Variants in KLRC1 observed in about 807,000 individuals in gnomAD.
KLRC1 encodes the protein killer cell lectin like receptor C1.
Under a neutral mutation model 25.9 loss-of-function variants are expected in KLRC1, and 22 were observed. The ratio of observed to expected loss-of-function variants is 0.85; its 90% CI spans 0.61 to 1.21. KLRC1 has a LOEUF of 1.21. KLRC1 is among the 50% of genes most tolerant of loss of function. The pLI, the probability that KLRC1 is intolerant of heterozygous loss-of-function variation, is 0.00. For missense variants in KLRC1, 240 were observed against 272.2 expected (o/e 0.88, Z 0.83); for synonymous variants, 77 against 93.1 (o/e 0.83, Z 0.99).
intron 6 of KLRC1, 94 bp downstream of exon 6, chr12:10,447,438 A>C (rs1011955355): frequency 1.5e-5 from 17 of 1,098,628 alleles, no homozygotes; most frequent in Non-Finnish European, 2.2e-5. Flanking sequence ...ATCTTTCTTC[A>C]TCTCTATGAT....
downstream of KLRC1, among the ~76,000 whole-genome samples, chr12:10,443,734 A>G (rs1180996156): frequency 2.1e-5 from 3 of 141,088 alleles, no homozygotes; most frequent in Non-Finnish European, 4.6e-5. Flanking sequence ...CTGTAATCTC[A>G]TAATTCTAAG....
At chr12:10,453,964 T>G (rs923115913), upstream of KLRC1, among the ~76,000 whole-genome samples, 4 of 152,232 alleles carry the variant, frequency 2.6e-5, no homozygotes, top group African/African-American at 4.8e-5. Flanking sequence ...TGAAATATAT[T>G]AGCATACCAG....
intron 4 of KLRC1, 52 bp downstream of exon 4, chr12:10,449,862 A>T (rs983525886): frequency 7.4e-7 from 1 of 1,350,312 alleles, no homozygotes; most frequent in African/African-American, 1.5e-5. Context: ...ACAGCCTAAG[A>T]TCAAGAAAAA....
chr12:10,451,921 C>G (rs1169428473), intron 1 of KLRC1, among the ~76,000 whole-genome samples: 1 of 151,798 alleles, frequency 6.6e-6, no homozygotes, highest in African/African-American at 2.4e-5. Flanking sequence ...ATAAAAATTT[C>G]TTGCACTACA....
chr12:10,451,153 C>G lies in KLRC1; in HGVS notation c.4G>C (p.Asp2His), dbSNP rs1864118650. M[D>H]NQGVIYSDLN... ...TCTGAGTAGATTACTCCTTGGTTAT[C>G]CATCTCTGCAGTGTGTGATGTCAGG... Residue 2 changes from aspartate (D) to histidine (H), a missense_variant, in exon 2 of 7, where the codon GAT (aspartate) becomes CAT (histidine). Physicochemically the swap from Asp to His is moderately conservative, Grantham distance 81 (BLOSUM62 -1). Coordinates refer to ENST00000359151, the MANE Select transcript of KLRC1 (RefSeq NM_002259.5). The G allele has an allele frequency of 1.6e-5, 25 of 1,612,382 alleles. No individual in the cohort carries two copies. Among genetic ancestry groups the G allele is most frequent in the East Asian group, 2.2e-5 (1 of 44,846 alleles).
upstream of KLRC1, chr12:10,454,561 C>T (rs978357121): frequency 1.0e-6 from 1 of 977,296 alleles, no homozygotes; most frequent in Non-Finnish European, 1.2e-6. Flanking sequence ...TGAGATCAGT[C>T]CTTCACCCAC....
At position 10,446,444 on chromosome 12, in the gene KLRC1, T is replaced by C. The variant is rs530017873; in HGVS notation, c.*107A>G. The C allele has an allele frequency of 6.1e-5, 88 of 1,431,730 alleles. No individual in the cohort carries two copies. In the African/African-American group the frequency reaches 1.1e-3, roughly 18 times the overall value. 88.7% of individuals were successfully genotyped at this position (1,431,730 alleles called of 1,614,324 possible). A position where few individuals can be genotyped will look rare whatever the true frequency, so the allele number is the denominator to read the frequency against. On this transcript the variant is annotated 3_prime_UTR_variant, in exon 7 of 7. Coordinates refer to ENST00000359151, the MANE Select transcript of KLRC1 (RefSeq NM_002259.5). ...AATAATTGATTTAGAATTTTCTTAT[T>C]AGAGCAAATAACATAATTCATTTTA...
downstream of KLRC1, among the ~76,000 whole-genome samples, chr12:10,442,979 T>C (rs1565509422): frequency 1.1e-5 from 1 of 90,232 alleles, no homozygotes; most frequent in Non-Finnish European, 2.3e-5. Flanking sequence ...GAAGGATGGT[T>C]ACCAGAGATT....
In KLRC1 at chr12:10,453,240, A is replaced by T; in HGVS notation, c.-74T>A. 1.0e-6 allele frequency: 1 copy of T among 985,380 alleles called. No individual in the cohort carries two copies. Among genetic ancestry groups the T allele is most frequent in the Non-Finnish European group, 1.2e-6 (1 of 829,892 alleles). 61.0% of individuals were successfully genotyped at this position (985,380 alleles called of 1,614,324 possible). ...TCACACATCCTTTAGTGGAGAGGCC[A>T]GGTTAGTCTCATAAAAAGGCCTGCT... On this transcript the variant is annotated 5_prime_UTR_variant, in exon 1 of 7. Coordinates refer to ENST00000359151, the MANE Select transcript of KLRC1 (RefSeq NM_002259.5).
At position 10,451,067 on chromosome 12, in the gene KLRC1, G is replaced by A; in HGVS notation, c.90C>T (p.Ser30=). The A allele has an allele frequency of 6.2e-7, 1 of 1,614,032 alleles. No individual in the cohort carries two copies. Among genetic ancestry groups the A allele is most frequent in the Non-Finnish European group, 8.5e-7 (1 of 1,179,950 alleles). The change falls in exon 2 of 7, where the codon TCC becomes TCT. Residue 30 remains serine, a synonymous_variant. Coordinates refer to ENST00000359151, the MANE Select transcript of KLRC1 (RefSeq NM_002259.5). ...QQRKPKGNKN[S]ILATEQEITY... ...TTATTTCCTGTTCAGTTGCTAAAAT[G>A]GAGTTTTTATTGCCTTTAGGTTTTC...
upstream of KLRC1, among the ~76,000 whole-genome samples, chr12:10,453,652 T>C (rs1390088403): frequency 1.3e-5 from 2 of 152,166 alleles, no homozygotes; most frequent in Non-Finnish European, 2.9e-5. Flanking sequence ...AATCTTAACA[T>C]TGCATACTTC....
chr12:10,444,983 A>T (rs61917716), downstream of KLRC1, among the ~76,000 whole-genome samples: 1 of 147,142 alleles, frequency 6.8e-6, no homozygotes, highest in East Asian at 2.0e-4. Flanking sequence ...GCAGTGGTGC[A>T]CTCTCGGCTC....
At chr12:10,454,445 G>A (rs141473932), upstream of KLRC1, 110 of 190,106 alleles carry the variant, frequency 5.8e-4, 1 homozygote, top group East Asian at 0.01. Context: ...GGCCCAGGAG[G>A]AGACTCACAC....
At chr12:10,448,641 GTTCTT>G (rs1360376200) in intron 5 of KLRC1, among the ~76,000 whole-genome samples, 1 of 152,158 alleles carries the variant, frequency 6.6e-6, no homozygotes, top group Non-Finnish European at 1.5e-5. Context: ...GATTCTTAGT[GTTCTT>G]TGTACATACT....
chr12:10,448,247 G>A (rs981824116), intron 5 of KLRC1, among the ~76,000 whole-genome samples: 2 of 152,136 alleles, frequency 1.3e-5, no homozygotes, highest in Non-Finnish European at 2.9e-5. Context: ...TGGGACCCTA[G>A]CATCAGGGAT....
chr12:10,446,367 C>T lies in KLRC1; in HGVS notation c.*184G>A, dbSNP rs75809235. 49 of 1,364,966 alleles carry T rather than the reference C, an allele frequency of 3.6e-5. No individual in the cohort carries two copies. In the South Asian group the frequency reaches 5.1e-4, roughly 14 times the overall value. The allele number at this position is 1,364,966 out of a possible 1,614,324, so 84.6% of individuals were successfully genotyped here. ...AATACCATGTTGAGCAAAATGAGCCCGACACAAATGCTAGGATGTCTGTAC... is the reference window on the plus strand; with the variant it reads ...AATACCATGTTGAGCAAAATGAGCCTGACACAAATGCTAGGATGTCTGTAC... On this transcript the variant is annotated 3_prime_UTR_variant, in exon 7 of 7. Transcript: ENST00000359151.
chr12:10,447,458 A>C, intron 6 of KLRC1, 74 bp downstream of exon 6: 1 of 1,240,726 alleles, frequency 8.1e-7, no homozygotes, highest in Non-Finnish European at 1.1e-6. Context: ...TTCCACATAG[A>C]TTTATTCATA....
chr12:10,449,420 A>T lies in KLRC1; in HGVS notation c.338-32T>A, dbSNP rs757515800. The T allele has an allele frequency of 2.5e-6, 4 of 1,596,088 alleles. No homozygotes were observed. In the Admixed American group the frequency reaches 5.4e-5, roughly 22 times the overall value. On this transcript the variant is annotated intron_variant, in intron 4 of 6. Coordinates refer to ENST00000359151, the MANE Select transcript of KLRC1 (RefSeq NM_002259.5). ...AAAGATATGAATTACTATCTAGACC[A>T]ATATGAATTTTTAAAAATGAAAATT...
At chr12:10,446,886 T>C (rs901698292) in intron 6 of KLRC1, among the ~76,000 whole-genome samples, 2 of 152,226 alleles carry the variant, frequency 1.3e-5, no homozygotes. Flanking sequence ...CGGCAGATAG[T>C]GCAGAACCTA....
Sources: allele counts gnomAD v4.1 joint callset (sites outside exome capture counted in the v4.1 genomes callset), GRCh38; gene constraint gnomAD v4.1.1; transcripts MANE v1.5; gene names NCBI Gene and HGNC (gene_info 2026-07-23, HGNC 2026-07-21).